The following C11orf65 variants were observed in gnomAD, a reference collection of about 807,000 sequenced individuals.
The protein encoded by C11orf65 is chromosome 11 open reading frame 65.
C11orf65 carries 38 observed loss-of-function variants against 35.3 expected under a neutral mutation model. The ratio of observed to expected loss-of-function variants is 1.08; its 90% CI spans 0.83 to 1.41. The LOEUF is 1.41. C11orf65 is among the 40% of genes most tolerant of loss of function. The probability of loss-of-function intolerance (pLI) is 0.00; values close to 1 mark genes in which losing one functional copy is unlikely to be tolerated. For missense variants in C11orf65, 370 were observed against 367.1 expected (o/e 1.01, Z -0.06); for synonymous variants, 105 against 114.4 (o/e 0.92, Z 0.53).
chr11:108,453,718 T>C (rs1055687128), intron 2 of C11orf65, among the ~76,000 whole-genome samples: 27 of 152,246 alleles, frequency 1.8e-4, no homozygotes, highest in African/African-American at 6.5e-4. Context: ...ATCGCATTTA[T>C]TGATTTGTAT....
chr11:108,325,176 G>C, intron 6 of C11orf65: 1 of 639,572 alleles, frequency 1.6e-6, no homozygotes, highest in Non-Finnish European at 2.6e-6. Flanking sequence ...TTATTTACAA[G>C]TTCTAGTCTT....
intron 2 of C11orf65, chr11:108,347,155 TA>T: frequency 2.5e-6 from 2 of 788,968 alleles, no homozygotes; most frequent in East Asian, 5.2e-5. Flanking sequence ...ATCATTTAAG[TA>T]GGCTAAAAAT....
chr11:108,418,172 A>C (rs1222902285), intron 3 of C11orf65, among the ~76,000 whole-genome samples: 1 of 152,184 alleles, frequency 6.6e-6, no homozygotes, highest in Non-Finnish European at 1.5e-5. Context: ...TTTAATACAT[A>C]TCTCTCAGTA....
chr11:108,327,512 T>C, downstream of C11orf65: 1 of 681,458 alleles, frequency 1.5e-6, no homozygotes, highest in Admixed American at 2.2e-5. Context: ...CAAAAGCAGA[T>C]GAGGAAAAAC....
At chr11:108,327,169 C>A (rs1404539674), downstream of C11orf65, among the ~76,000 whole-genome samples, 1 of 152,152 alleles carries the variant, frequency 6.6e-6, no homozygotes, top group East Asian at 1.9e-4. Context: ...TGTATAGCAT[C>A]TTCTGTTATT....
chr11:108,427,676 C>T lies in C11orf65; in HGVS notation c.174+4070G>A, dbSNP rs192515981. ...GGCGGAGCTTGCAGTGAGTTGAGAT[C>T]GCGCCACTGCACTCCAGCCTGGGCG... On this transcript the variant is annotated intron_variant, in intron 3 of 8. Coordinates refer to ENST00000393084, the MANE Select transcript of C11orf65 (RefSeq NM_152587.5). 7.5e-3 allele frequency among the ~76,000 whole-genome samples: 829 copies of T among 110,628 alleles called. 9 individuals are homozygous for T. Among genetic ancestry groups the T allele is most frequent in the African/African-American group, 0.025 (707 of 28,696 alleles). The allele number at this position is 110,628 out of a possible 152,430, so 72.6% of individuals were successfully genotyped here.
intron 2 of C11orf65, among the ~76,000 whole-genome samples, chr11:108,376,251 T>C (rs1205248425): frequency 6.6e-6 from 1 of 151,938 alleles, no homozygotes; most frequent in Non-Finnish European, 1.5e-5. Flanking sequence ...CCTCAGCAAA[T>C]GTAAAAGAAC....
chr11:108,327,904 T>A, downstream of C11orf65: 1 of 733,834 alleles, frequency 1.4e-6, no homozygotes, highest in Non-Finnish European at 2.3e-6. Context: ...GTATAGTCTC[T>A]AGGGTGGAGT....
chr11:108,324,156 A>C (rs890354370), intron 6 of C11orf65, among the ~76,000 whole-genome samples: 5 of 152,174 alleles, frequency 3.3e-5, no homozygotes, highest in African/African-American at 1.2e-4. Flanking sequence ...TAACCTGTGC[A>C]CATTCTCCTA....
chr11:108,392,136 G>A (rs756609974), intron 7 of C11orf65, among the ~76,000 whole-genome samples: 3 of 151,908 alleles, frequency 2.0e-5, no homozygotes, highest in Admixed American at 6.6e-5. Flanking sequence ...CAGCATCTAC[G>A]TCCTGGCTCA....
downstream of C11orf65, chr11:108,327,881 C>T (rs2085843511): frequency 2.4e-6 from 2 of 830,422 alleles, no homozygotes; most frequent in African/African-American, 1.7e-5. Context: ...TATATTATTA[C>T]TGTTGTAGCT....
Position 108,356,986 on chromosome 11 carries a change from G to A in C11orf65, c.227-21694C>T, listed in dbSNP as rs561855439. ...ACAGCTCCGGTATACAGCTCCCAGC[G>A]TGAGCGATGCAGAAGACAGGTGATT... On this transcript the variant is annotated intron_variant, in intron 2 of 3. Transcript: ENST00000524755. 2.6e-3 allele frequency among the ~76,000 whole-genome samples: 391 copies of A among 152,324 alleles called. 3 individuals carry two copies. Among genetic ancestry groups the A allele is most frequent in the African/African-American group, 9.0e-3 (376 of 41,570 alleles).
At chr11:108,329,538 G>A (rs185769320), downstream of C11orf65, among the ~76,000 whole-genome samples, 115 of 152,004 alleles carry the variant, frequency 7.6e-4, no homozygotes, top group Admixed American at 1.4e-3. Context: ...CTGAGCCCCC[G>A]AAATAGCTGG....
At chr11:108,353,985 G>A in intron 2 of C11orf65, 2 of 1,137,872 alleles carry the variant, frequency 1.8e-6, no homozygotes, top group Non-Finnish European at 2.6e-6. Context: ...AGAGGCTGAA[G>A]TGGGAGGATT....
rs181974468 is a variant in C11orf65, at chr11:108,461,427, A to C, written c.81+52T>G. ...AAAAAAAAATTGAACTGTACACTTT[A>C]AATTTTATGACATAAAAATTATATT... On this transcript the variant is annotated intron_variant, in intron 2 of 8. Transcript: ENST00000393084. 232 of 1,410,584 alleles carry C rather than the reference A, an allele frequency of 1.6e-4. 1 individual carries two copies. The African/African-American group carries it at 2.4e-3, about 15-fold the overall frequency. The allele number at this position is 1,410,584 out of a possible 1,614,324, so 87.4% of individuals were successfully genotyped here. A position where few individuals can be genotyped will look rare whatever the true frequency, so the allele number is the denominator to read the frequency against.
intron 2 of C11orf65, among the ~76,000 whole-genome samples, chr11:108,432,711 A>G (rs1013241909): frequency 2.6e-5 from 4 of 152,160 alleles, no homozygotes; most frequent in Non-Finnish European, 5.9e-5. Flanking sequence ...GCCCCACTAC[A>G]ATTGCCTATG....
chr11:108,425,287 T>C (rs1176789369), intron 3 of C11orf65, among the ~76,000 whole-genome samples: 1 of 151,894 alleles, frequency 6.6e-6, no homozygotes, highest in Non-Finnish European at 1.5e-5. Context: ...AAGAATCAAA[T>C]AGATACAATA....
downstream of C11orf65, chr11:108,331,201 C>G (rs1386154236): frequency 8.3e-7 from 1 of 1,201,688 alleles, no homozygotes; most frequent in Non-Finnish European, 1.0e-6. Context: ...ACCAAGTATT[C>G]TAGTTCTGAA....
In C11orf65 at chr11:108,373,460, T is replaced by C. The variant is rs186691304; in HGVS notation, c.226+19748A>G. Reference sequence around the variant, plus strand: ...CCACTCTTACCACTTCTATCCCACATTGCACTGGAGTTCCTAGCCATGCAG... The same window carrying C: ...CCACTCTTACCACTTCTATCCCACACTGCACTGGAGTTCCTAGCCATGCAG... On this transcript the variant is annotated intron_variant, in intron 2 of 3. Coordinates refer to the C11orf65 transcript ENST00000524755. Among the ~76,000 whole-genome samples the C allele has an allele frequency of 7.1e-4, 108 of 152,314 alleles. 1 individual carries two copies. Among genetic ancestry groups the C allele is most frequent in the African/African-American group, 2.5e-3 (102 of 41,584 alleles).
Sources: allele counts gnomAD v4.1 joint callset (sites outside exome capture counted in the v4.1 genomes callset), GRCh38; gene constraint gnomAD v4.1.1; transcripts MANE v1.5; gene names NCBI Gene and HGNC (gene_info 2026-07-23, HGNC 2026-07-21).